FHIP1A: variants seen among roughly 807,000 people sequenced by gnomAD.
FHIP1A encodes FHF complex subunit HOOK interacting protein 1A.
FHIP1A carries 61 observed loss-of-function variants against 88.6 expected under a neutral mutation model. The observed-to-expected ratio is 0.69, with a 90% CI of 0.56 to 0.85. The LOEUF (loss-of-function observed/expected upper bound fraction) is 0.85. Ranked by LOEUF, FHIP1A falls within the 40% of genes least tolerant of loss-of-function variation. The pLI, the probability that FHIP1A is intolerant of heterozygous loss-of-function variation, is 0.00. For synonymous variants in FHIP1A, 478 were observed against 496.0 expected (o/e 0.96, Z 0.48); for missense variants, 1,154 against 1,273.5 (o/e 0.91, Z 1.43).
At chr4:151,588,794 A>T in intron 6 of FHIP1A, 46 bp from the exon 7 acceptor site, 1 of 1,156,930 alleles carries the variant, frequency 8.6e-7, no homozygotes, top group Non-Finnish European at 1.3e-6. Flanking sequence ...TAAGAACTGA[A>T]GATTGAACTC....
chr4:151,663,654 T>A lies in FHIP1A; in HGVS notation c.*900T>A, dbSNP rs948280515. On this transcript the variant is annotated 3_prime_UTR_variant, in exon 14 of 14. Transcript: ENST00000435205. ...CTTGTGAAGCCATTTCATAGTGGGT[T>A]TTTTCAGGGAGGGTATGCTGGGTGG... 6 of 152,138 alleles carry A rather than the reference T, an allele frequency of 3.9e-5. No individual in the cohort carries two copies. Among genetic ancestry groups the A allele is most frequent in the Admixed American group, 2.6e-4 (4 of 15,282 alleles). The allele number at this position is 152,138 out of a possible 1,614,324, so 9.4% of individuals were successfully genotyped here.
rs1736973349 is a variant in FHIP1A, at chr4:151,650,240, TGAGGCAGAGCACAG to T, written c.2200_2213del (p.Glu734LeufsTer2). On this transcript the variant is annotated frameshift_variant, in exon 11 of 14. Transcript: ENST00000435205. LOFTEE classifies it high-confidence loss of function. ...ACTCAGAGTTAGCATCCCCTGCCCCTGAGGCAGAGCACAGCTCTAACCTGACAGCCGCCCACCCG... is the reference window on the plus strand; with the variant it reads ...ACTCAGAGTTAGCATCCCCTGCCCCTCTCTAACCTGACAGCCGCCCACCCG... 1 of 1,551,566 alleles carries T rather than the reference TGAGGCAGAGCACAG, an allele frequency of 6.4e-7. No homozygotes were observed. Among genetic ancestry groups the T allele is most frequent in the African/African-American group, 1.4e-5 (1 of 73,026 alleles).
intron 3 of FHIP1A, among the ~76,000 whole-genome samples, chr4:151,524,574 A>G (rs1242253599): frequency 1.3e-5 from 2 of 152,202 alleles, no homozygotes; most frequent in East Asian, 3.8e-4. Flanking sequence ...CTCAACTTAA[A>G]GTGGGAGTCT....
At chr4:151,611,707 A>G (rs1038003287) in intron 7 of FHIP1A, among the ~76,000 whole-genome samples, 2 of 152,114 alleles carry the variant, frequency 1.3e-5, no homozygotes, top group East Asian at 1.9e-4. Flanking sequence ...ATTAGAATCC[A>G]TTTCAGTTTC....
intron 7 of FHIP1A, among the ~76,000 whole-genome samples, chr4:151,599,847 G>T (rs1328850699): frequency 6.6e-6 from 1 of 152,166 alleles, no homozygotes; most frequent in Non-Finnish European, 1.5e-5. Flanking sequence ...ATATATATTT[G>T]CTTATTATAG....
chr4:151,576,255 A>G (rs956463423), intron 4 of FHIP1A, among the ~76,000 whole-genome samples: 8 of 152,108 alleles, frequency 5.3e-5, no homozygotes, highest in African/African-American at 1.9e-4. Context: ...TTTTATTTAA[A>G]TTGTTAATTG....
chr4:151,604,381 A>C (rs1410320479), intron 7 of FHIP1A, among the ~76,000 whole-genome samples: 2 of 152,054 alleles, frequency 1.3e-5, no homozygotes, highest in Non-Finnish European at 2.9e-5. Flanking sequence ...ACAGTGCACC[A>C]AGGAGCCCTG....
chr4:151,517,814 T>G (rs1410874632), intron 3 of FHIP1A, among the ~76,000 whole-genome samples: 1 of 151,956 alleles, frequency 6.6e-6, no homozygotes, highest in African/African-American at 2.4e-5. Flanking sequence ...TAAAAAACAT[T>G]AAAAATCCAA....
chr4:151,659,290 A>C (rs1737365038), intron 13 of FHIP1A, among the ~76,000 whole-genome samples: 1 of 152,166 alleles, frequency 6.6e-6, no homozygotes, highest in Non-Finnish European at 1.5e-5. Flanking sequence ...CCCCACTTAA[A>C]GCATCTTTAA....
At chr4:151,578,872 CAAAT>C (rs1399862451) in intron 5 of FHIP1A, among the ~76,000 whole-genome samples, 2 of 151,974 alleles carry the variant, frequency 1.3e-5, no homozygotes, top group East Asian at 3.8e-4. Flanking sequence ...GGTGAATAGA[CAAAT>C]AAAGTGGGGA....
At chr4:151,469,755 C>T (rs1430875512) in intron 2 of FHIP1A, among the ~76,000 whole-genome samples, 1 of 152,112 alleles carries the variant, frequency 6.6e-6, no homozygotes, top group African/African-American at 2.4e-5. Context: ...TATAATTTCC[C>T]CATTTCACAG....
intron 3 of FHIP1A, among the ~76,000 whole-genome samples, chr4:151,535,782 G>A (rs936872549): frequency 2.0e-5 from 3 of 152,200 alleles, no homozygotes; most frequent in Admixed American, 2.0e-4. Flanking sequence ...AATGTATCTT[G>A]ACTATCATTC....
rs150161068 is a variant in FHIP1A at position 151,598,164 on chromosome 4, G to A, written c.978+9238G>A. 9.1e-4 allele frequency among the ~76,000 whole-genome samples: 138 copies of A among 152,302 alleles called. 1 individual carries two copies. In the East Asian group the frequency reaches 0.02, roughly 23 times the overall value. ...GCTGGAAACCCAGGGCCTTGGTGGT[G>A]TAGGCACCTGAGGGAATCTCCTGGT... is the stretch of plus-strand genomic sequence containing the variant. On this transcript the variant is annotated intron_variant, in intron 7 of 13. Coordinates refer to ENST00000435205, the MANE Select transcript of FHIP1A (RefSeq NM_001109977.3).
At chr4:151,557,449 C>T (rs755769072) in intron 3 of FHIP1A, among the ~76,000 whole-genome samples, 3 of 152,148 alleles carry the variant, frequency 2.0e-5, no homozygotes. Context: ...GTGCAAAAGA[C>T]ATTGATACAC....
In FHIP1A at chr4:151,623,868, C is replaced by T. The variant is rs557549940; in HGVS notation, c.979-5834C>T. On this transcript the variant is annotated intron_variant, in intron 7 of 13. Transcript: ENST00000435205. ...TCATTTTCTGCTCAGAGCTGGCAAC[C>T]GTATTCTCTGCAAGGCTAACATAAC... Among the ~76,000 whole-genome samples the T allele has an allele frequency of 1.3e-4, 20 of 152,262 alleles. No homozygotes were observed. The South Asian group carries it at 3.3e-3, about 25-fold the overall frequency.
chr4:151,534,369 G>A (rs887357483), intron 3 of FHIP1A, among the ~76,000 whole-genome samples: 4 of 152,186 alleles, frequency 2.6e-5, no homozygotes, highest in African/African-American at 7.2e-5. Flanking sequence ...AGCTTCTATT[G>A]TGTCACCTTT....
At chr4:151,505,452 T>G (rs1236907158) in intron 3 of FHIP1A, among the ~76,000 whole-genome samples, 3 of 152,202 alleles carry the variant, frequency 2.0e-5, no homozygotes, top group African/African-American at 7.2e-5. Flanking sequence ...CCTATTACAG[T>G]CTATCATCGA....
intron 3 of FHIP1A, among the ~76,000 whole-genome samples, chr4:151,485,069 G>C (rs1428612756): frequency 6.6e-6 from 1 of 152,150 alleles, no homozygotes; most frequent in African/African-American, 2.4e-5. Context: ...AAAGTGACTT[G>C]TTAGGGTCAA....
At chr4:151,533,989 T>C (rs1731977090) in intron 3 of FHIP1A, among the ~76,000 whole-genome samples, 1 of 152,244 alleles carries the variant, frequency 6.6e-6, no homozygotes, top group Non-Finnish European at 1.5e-5. Flanking sequence ...TAGAGAATTA[T>C]TATTAACCAG....
Sources: gnomAD v4.1 joint callset for allele counts (sites outside exome capture counted in the v4.1 genomes callset) on GRCh38, gnomAD v4.1.1 for gene constraint, MANE v1.5 for transcripts, NCBI Gene and HGNC (gene_info 2026-07-23, HGNC 2026-07-21) for gene names.